ECT2L: variants seen among roughly 807,000 people sequenced by gnomAD.
ECT2L encodes the protein epithelial cell transforming 2 like, also known as epithelial cell-transforming sequence 2 oncogene-like.
In ECT2L, 126 loss-of-function variants were observed where a neutral mutation model predicts 122.8. The ratio of observed to expected loss-of-function variants is 1.03; its 90% CI spans 0.89 to 1.19. The LOEUF (loss-of-function observed/expected upper bound fraction) is 1.19. ECT2L is among the 50% of genes most tolerant of loss of function. The pLI, the probability that ECT2L is intolerant of heterozygous loss-of-function variation, is 0.00. For synonymous variants in ECT2L, 385 were observed against 381.8 expected (o/e 1.01, Z -0.10); for missense variants, 1,012 against 1,064.1 (o/e 0.95, Z 0.68).
rs1050639628 is a variant in ECT2L, at chr6:138,812,804, TA to T, written c.-243-27del. The T allele has an allele frequency of 3.8e-4, 58 of 153,738 alleles. 1 individual carries two copies. Among genetic ancestry groups the T allele is most frequent in the Non-Finnish European group, 3.9e-4 (27 of 69,168 alleles). The allele number at this position is 153,738 out of a possible 1,614,324, so 9.5% of individuals were successfully genotyped here. A position where few individuals can be genotyped will look rare whatever the true frequency, so the allele number is the denominator to read the frequency against. Reference sequence around the variant, plus strand: ...TGGACAACAGAGCGAGACTCCATCTTAAAAAAACAAAATAACAAATTCTTAT... The same window carrying T: ...TGGACAACAGAGCGAGACTCCATCTTAAAAAACAAAATAACAAATTCTTAT... On this transcript the variant is annotated intron_variant, in intron 1 of 21. Transcript: ENST00000541398.
intron 9 of ECT2L, 110 bp downstream of exon 9, chr6:138,849,544 G>T: frequency 1.2e-4 from 108 of 903,588 alleles, no homozygotes; most frequent in South Asian, 3.1e-4. Flanking sequence ...AAGACGTGTT[G>T]ATTTTTTGGC....
At chr6:138,883,395 C>G (rs1479544136) in intron 16 of ECT2L, among the ~76,000 whole-genome samples, 7 of 152,226 alleles carry the variant, frequency 4.6e-5, no homozygotes, top group Admixed American at 4.6e-4. Flanking sequence ...ATCCAATTCC[C>G]TCATGTACCA....
At chr6:138,849,099 T>G (rs186876039) in intron 8 of ECT2L, among the ~76,000 whole-genome samples, 170 bp from the exon 9 acceptor site, 31 of 152,346 alleles carry the variant, frequency 2.0e-4, no homozygotes, top group Non-Finnish European at 4.0e-4. Flanking sequence ...CTCCTATAAT[T>G]AGAAATAAAC....
intron 4 of ECT2L, among the ~76,000 whole-genome samples, chr6:138,828,237 C>T (rs2128382074): frequency 6.6e-6 from 1 of 152,316 alleles, no homozygotes; most frequent in South Asian, 2.1e-4. Flanking sequence ...TCAATGACCT[C>T]ATAACTTCTT....
At chr6:138,824,665 C>T (rs1300424568) in intron 4 of ECT2L, among the ~76,000 whole-genome samples, 4 of 151,712 alleles carry the variant, frequency 2.6e-5, no homozygotes, top group Non-Finnish European at 5.9e-5. Context: ...GGTTATGAGA[C>T]GGCATTAAGC....
rs563861138 is a variant in ECT2L at position 138,866,995 on chromosome 6, G to A, written c.1475-1108G>A. ...AGGCTGAGGCACGAGAACTGCTTGA[G>A]CCAGGGAGGCAGAGGTTTCAGTGAG... is the stretch of plus-strand genomic sequence containing the variant. On this transcript the variant is annotated intron_variant, in intron 12 of 21. Transcript: ENST00000541398. 6.2e-3 allele frequency among the ~76,000 whole-genome samples: 944 copies of A among 152,108 alleles called. 9 individuals are homozygous for A. The highest frequency in any genetic ancestry group is 0.022 in the African/African-American group (894 of 41,500).
intron 14 of ECT2L, among the ~76,000 whole-genome samples, chr6:138,877,624 G>T (rs1778497412): frequency 6.6e-6 from 1 of 152,126 alleles, no homozygotes; most frequent in Admixed American, 6.6e-5. Context: ...AGGTATTCTA[G>T]ACAGACCATG....
intron 10 of ECT2L, among the ~76,000 whole-genome samples, chr6:138,857,890 A>T (rs759457749): frequency 2.0e-5 from 3 of 152,072 alleles, no homozygotes; most frequent in African/African-American, 4.8e-5. Flanking sequence ...GGTTTACTTG[A>T]CTCACAGTTC....
intron 14 of ECT2L, among the ~76,000 whole-genome samples, chr6:138,878,676 A>T (rs1778548063): frequency 6.6e-6 from 1 of 151,760 alleles, no homozygotes; most frequent in Non-Finnish European, 1.5e-5. Flanking sequence ...CGAACTCCTG[A>T]GCTCAGGTGA....
intron 20 of ECT2L, among the ~76,000 whole-genome samples, chr6:138,898,247 T>C (rs535910478): frequency 6.6e-5 from 10 of 152,312 alleles, no homozygotes; most frequent in South Asian, 2.1e-4. Context: ...GAATAACCTA[T>C]TGACTCGATC....
intron 14 of ECT2L, 100 bp downstream of exon 14, chr6:138,876,658 C>A: frequency 1.5e-6 from 1 of 677,810 alleles, no homozygotes; most frequent in Non-Finnish European, 2.3e-6. Flanking sequence ...TGAAAATTTC[C>A]CTTTGGGGGA....
At chr6:138,823,233 A>G in intron 4 of ECT2L, 7 of 1,545,506 alleles carry the variant, frequency 4.5e-6, no homozygotes, top group Non-Finnish European at 6.1e-6. Context: ...CTGTGTCTGG[A>G]TGGCTGCCAT....
chr6:138,869,267 TA>T (rs1778158806), intron 13 of ECT2L, among the ~76,000 whole-genome samples: 1 of 152,242 alleles, frequency 6.6e-6, no homozygotes, highest in South Asian at 2.1e-4. Context: ...TTCAATAATC[TA>T]AATTCTCTAG....
chr6:138,804,582 AACACACACACAC>A (rs367560936), intron 1 of ECT2L, among the ~76,000 whole-genome samples: 2 of 146,378 alleles, frequency 1.4e-5, no homozygotes, highest in African/African-American at 2.5e-5. Flanking sequence ...TGAAGTTTTA[AACACACACACAC>A]ACACACACAC....
intron 5 of ECT2L, among the ~76,000 whole-genome samples, chr6:138,839,344 A>G (rs1030237169): frequency 3.3e-5 from 5 of 149,960 alleles, no homozygotes; most frequent in African/African-American, 1.2e-4. Flanking sequence ...AATATTTAAT[A>G]AAATGTAACT....
chr6:138,843,335 T>G, intron 6 of ECT2L, 104 bp downstream of exon 6: 1 of 1,167,270 alleles, frequency 8.6e-7, no homozygotes, highest in Non-Finnish European at 1.2e-6. Context: ...CGGAATACTC[T>G]GAGTGGCAGT....
chr6:138,833,862 C>T (rs932660512), intron 4 of ECT2L, among the ~76,000 whole-genome samples: 1 of 151,490 alleles, frequency 6.6e-6, no homozygotes, highest in Non-Finnish European at 1.5e-5. Context: ...GGGGTATGAA[C>T]AGCACCCAGA....
chr6:138,796,377 A>G (rs1775341816), intron 1 of ECT2L, among the ~76,000 whole-genome samples, 185 bp downstream of exon 1: 1 of 152,208 alleles, frequency 6.6e-6, no homozygotes, highest in Admixed American at 6.5e-5. Flanking sequence ...AAGATTCTGA[A>G]GAGGCTCTGG....
intron 13 of ECT2L, among the ~76,000 whole-genome samples, chr6:138,871,525 G>C (rs115389954): frequency 0.015 from 2,288 of 152,284 alleles, 40 homozygotes; most frequent in African/African-American, 0.048. Context: ...CCCATCCTTG[G>C]CCAGGCGCAG....
Sources: gnomAD v4.1 joint callset for allele counts (sites outside exome capture counted in the v4.1 genomes callset) on GRCh38, gnomAD v4.1.1 for gene constraint, MANE v1.5 for transcripts, NCBI Gene and HGNC (gene_info 2026-07-23, HGNC 2026-07-21) for gene names.